The following WWOX variants were observed in gnomAD, a reference collection of about 807,000 sequenced individuals.
WWOX encodes the protein WW domain containing oxidoreductase, also known as WW domain-containing oxidoreductase.
A neutral mutation model predicts 46.2 loss-of-function variants in WWOX; 69 were observed. The observed-to-expected ratio is 1.49, with a 90% CI of 1.23 to 1.82. The LOEUF (loss-of-function observed/expected upper bound fraction) is 1.82, where lower values mean the gene tolerates loss of function less well. Among genes scored for constraint, WWOX ranks in the 40% most tolerant of loss-of-function variants. The probability of loss-of-function intolerance (pLI) is 0.00; values close to 1 mark genes in which losing one functional copy is unlikely to be tolerated. For missense variants in WWOX, 919 were observed against 542.6 expected (o/e 1.69, Z -6.89); for synonymous variants, 359 against 202.6 (o/e 1.77, Z -6.56).
intron 8 of WWOX, among the ~76,000 whole-genome samples, chr16:78,670,261 C>T (rs779658503): frequency 2.6e-5 from 4 of 152,154 alleles, no homozygotes. Flanking sequence ...CTCTTCTACC[C>T]AGGGTCATAT....
chr16:79,072,451 T>A (rs984564603), intron 8 of WWOX, among the ~76,000 whole-genome samples: 1 of 152,216 alleles, frequency 6.6e-6, no homozygotes, highest in Non-Finnish European at 1.5e-5. Flanking sequence ...CTTTGCAACA[T>A]AGACTTGAAG....
intron 8 of WWOX, chr16:78,897,779 C>T (rs2044736414): frequency 6.6e-6 from 1 of 152,030 alleles, no homozygotes; most frequent in South Asian, 2.1e-4. Context: ...TCATTTTAAC[C>T]CCCCGCTAGA....
rs141695127 is a variant in WWOX at position 78,289,344 on chromosome 16, A to G, written c.517-97516A>G. ...ATGACCCAAAGAAGGCATGTCCTAGAGTGGTTTAGTAGAGCTCGAATAGTC... is the reference window on the plus strand; with the variant it reads ...ATGACCCAAAGAAGGCATGTCCTAGGGTGGTTTAGTAGAGCTCGAATAGTC... On this transcript the variant is annotated intron_variant, in intron 5 of 8. Coordinates refer to ENST00000566780, the MANE Select transcript of WWOX (RefSeq NM_016373.4). 4.3e-3 allele frequency among the ~76,000 whole-genome samples: 657 copies of G among 152,308 alleles called. 6 individuals carry two copies. The highest frequency in any genetic ancestry group is 6.2e-3 in the Non-Finnish European group (419 of 68,026).
At chr16:78,899,461 A>C (rs2044774605) in intron 8 of WWOX, 1 of 152,206 alleles carries the variant, frequency 6.6e-6, no homozygotes, top group South Asian at 2.1e-4. Context: ...AATGTGTACG[A>C]AGAGCTTAAT....
intron 8 of WWOX, among the ~76,000 whole-genome samples, chr16:78,691,070 G>A (rs1004492228): frequency 2.0e-5 from 3 of 152,148 alleles, no homozygotes; most frequent in Non-Finnish European, 4.4e-5. Context: ...TTCATAAAAT[G>A]TATTAATGAC....
At chr16:78,894,231 G>A (rs573352194) in intron 8 of WWOX, among the ~76,000 whole-genome samples, 4 of 152,020 alleles carry the variant, frequency 2.6e-5, no homozygotes, top group East Asian at 3.9e-4. Flanking sequence ...TCCATAGTTA[G>A]CCTTGATCGT....
chr16:78,349,748 C>G (rs9646318), intron 5 of WWOX, among the ~76,000 whole-genome samples: 94,868 of 118,972 alleles, frequency 0.8, 43,486 homozygotes, highest in African/African-American at 0.96. Flanking sequence ...CAGGTGTCAC[C>G]GATGAAACAG....
At chr16:79,088,436 G>A (rs567411214) in intron 8 of WWOX, among the ~76,000 whole-genome samples, 5 of 152,326 alleles carry the variant, frequency 3.3e-5, no homozygotes, top group Non-Finnish European at 4.4e-5. Context: ...GCCCTGAGCC[G>A]TGGGCAGCCT....
chr16:78,482,024 T>G (rs2084505200), intron 8 of WWOX, among the ~76,000 whole-genome samples: 2 of 152,132 alleles, frequency 1.3e-5, no homozygotes, highest in African/African-American at 4.8e-5. Flanking sequence ...TTCAAGGACT[T>G]AAGAAATCTG....
chr16:78,571,473 C>T (rs1024098378), intron 8 of WWOX, among the ~76,000 whole-genome samples: 2 of 152,070 alleles, frequency 1.3e-5, no homozygotes, highest in South Asian at 2.1e-4. Context: ...TCTTGTTTTG[C>T]CAACTTGACA....
intron 8 of WWOX, chr16:78,897,254 A>AC (rs1567634058): frequency 2.7e-5 from 4 of 146,488 alleles, no homozygotes; most frequent in Non-Finnish European, 4.6e-5. Flanking sequence ...AAAAAAAAAA[A>AC]AAAAAAAAAA....
chr16:78,108,546 C>T, intron 2 of WWOX, 59 bp downstream of exon 2: 1 of 1,587,150 alleles, frequency 6.3e-7, no homozygotes, highest in Non-Finnish European at 8.6e-7. Context: ...GAGGAAATGT[C>T]ACTGGCAGAG....
chr16:79,211,034 A>AGTGTGT (rs58334968), intron 8 of WWOX, among the ~76,000 whole-genome samples: 3,326 of 149,632 alleles, frequency 0.022, 55 homozygotes, highest in Middle Eastern at 0.083. Context: ...TATGGTGAGG[A>AGTGTGT]GTGTGTGTGT....
At chr16:79,143,586 T>C (rs974095506) in intron 8 of WWOX, among the ~76,000 whole-genome samples, 1 of 152,204 alleles carries the variant, frequency 6.6e-6, no homozygotes, top group Non-Finnish European at 1.5e-5. Flanking sequence ...AAAAATAGTT[T>C]TAGGGATGAT....
intron 8 of WWOX, among the ~76,000 whole-genome samples, chr16:78,601,260 T>A (rs1340225339): frequency 6.6e-6 from 1 of 152,182 alleles, no homozygotes; most frequent in African/African-American, 2.4e-5. Context: ...GCCGGGTCCC[T>A]CTTTGCCCCT....
At chr16:78,970,512 G>A (rs1353649396) in intron 8 of WWOX, among the ~76,000 whole-genome samples, 2 of 152,184 alleles carry the variant, frequency 1.3e-5, no homozygotes, top group Non-Finnish European at 2.9e-5. Flanking sequence ...TCGACCCAAG[G>A]CATTGTGTTT....
intron 8 of WWOX, among the ~76,000 whole-genome samples, chr16:79,005,906 G>A (rs190576498): frequency 6.6e-6 from 1 of 152,310 alleles, no homozygotes; most frequent in Non-Finnish European, 1.5e-5. Flanking sequence ...CATGAGAACA[G>A]AAGGCAGCCC....
intron 7 of WWOX, among the ~76,000 whole-genome samples, chr16:78,430,558 C>T (rs1347981049): frequency 1.3e-5 from 2 of 152,102 alleles, no homozygotes; most frequent in Admixed American, 1.3e-4. Context: ...TCCCTGCTAC[C>T]ATCACCAGCA....
chr16:78,942,916 C>T (rs924074796), intron 8 of WWOX, among the ~76,000 whole-genome samples: 3 of 152,174 alleles, frequency 2.0e-5, no homozygotes, highest in Non-Finnish European at 4.4e-5. Flanking sequence ...TGCCCATCCC[C>T]TCCTCTCTCT....
Sources: gnomAD v4.1 joint callset for allele counts (sites outside exome capture counted in the v4.1 genomes callset) on GRCh38, gnomAD v4.1.1 for gene constraint, MANE v1.5 for transcripts, NCBI Gene and HGNC (gene_info 2026-07-23, HGNC 2026-07-21) for gene names.